CPED1: variants seen among roughly 807,000 people sequenced by gnomAD.
The protein encoded by CPED1 is cadherin-like and PC-esterase domain-containing protein 1.
Under a neutral mutation model 128.2 loss-of-function variants are expected in CPED1, and 114 were observed. That is an observed-to-expected ratio of 0.89 (90% CI 0.76 to 1.04). The LOEUF is 1.04. Among genes scored for constraint, CPED1 ranks in the 50% least tolerant of loss-of-function variants. The pLI, the probability that CPED1 is intolerant of heterozygous loss-of-function variation, is 0.00. For missense variants in CPED1, 1,211 were observed against 1,207.1 expected (o/e 1.00, Z -0.05); for synonymous variants, 462 against 426.7 (o/e 1.08, Z -1.02).
intron 15 of CPED1, 51 bp downstream of exon 15, chr7:121,141,064 C>A: frequency 7.1e-7 from 1 of 1,405,154 alleles, no homozygotes. Flanking sequence ...GGGAAGTAGA[C>A]ATTTGATGCA....
At chr7:121,131,158 G>T (rs1795656464) in intron 12 of CPED1, among the ~76,000 whole-genome samples, 1 of 152,036 alleles carries the variant, frequency 6.6e-6, no homozygotes, top group Non-Finnish European at 1.5e-5. Flanking sequence ...ACTTCTTTCT[G>T]CTAAGGATAT....
At chr7:121,008,431 C>T (rs1118142) in intron 2 of CPED1, among the ~76,000 whole-genome samples, 75,647 of 151,942 alleles carry the variant, frequency 0.5, 19,446 homozygotes, top group South Asian at 0.65. Flanking sequence ...ATGGTACTGG[C>T]CTTCAAGGTC....
At chr7:121,020,828 C>A (rs761149826) in intron 3 of CPED1, among the ~76,000 whole-genome samples, 7 of 151,772 alleles carry the variant, frequency 4.6e-5, no homozygotes, top group African/African-American at 1.2e-4. Flanking sequence ...TTCCCACATG[C>A]TCAAATGAGA....
chr7:121,162,562 G>A (rs1049070718), intron 16 of CPED1, among the ~76,000 whole-genome samples: 1 of 152,120 alleles, frequency 6.6e-6, no homozygotes, highest in African/African-American at 2.4e-5. Context: ...AATTTATATT[G>A]TTAATTCAAA....
chr7:121,009,635 T>C (rs1207207164), intron 2 of CPED1, among the ~76,000 whole-genome samples: 1 of 146,498 alleles, frequency 6.8e-6, no homozygotes, highest in Non-Finnish European at 1.5e-5. Context: ...AAAGTTCACA[T>C]TAGGTGAAAA....
At chr7:121,215,194 T>G (rs1415383353) in intron 16 of CPED1, among the ~76,000 whole-genome samples, 4 of 152,030 alleles carry the variant, frequency 2.6e-5, no homozygotes, top group African/African-American at 9.7e-5. Flanking sequence ...TGAAGCCTAG[T>G]GTCCCAGCTC....
chr7:121,214,116 T>G (rs1797705020), intron 16 of CPED1, among the ~76,000 whole-genome samples: 1 of 152,056 alleles, frequency 6.6e-6, no homozygotes, highest in South Asian at 2.1e-4. Context: ...TTTCTGCTGA[T>G]GAAATGAAGT....
intron 2 of CPED1, among the ~76,000 whole-genome samples, chr7:121,004,739 G>A (rs1470765457): frequency 2.1e-5 from 3 of 145,754 alleles, no homozygotes; most frequent in African/African-American, 7.5e-5. Flanking sequence ...GACCCTAAGA[G>A]TAGACACTTG....
intron 4 of CPED1, among the ~76,000 whole-genome samples, chr7:121,049,837 T>A: frequency 6.6e-6 from 1 of 152,196 alleles, no homozygotes; most frequent in Non-Finnish European, 1.5e-5. Flanking sequence ...CTAGTAATAT[T>A]TGGCGATGTC....
At chr7:121,282,199 C>T (rs1186972668) in intron 22 of CPED1, among the ~76,000 whole-genome samples, 2 of 152,092 alleles carry the variant, frequency 1.3e-5, no homozygotes, top group African/African-American at 4.8e-5. Flanking sequence ...ATTAAGGTAA[C>T]CATGGTATAC....
At chr7:121,224,764 A>C (rs1383181585) in intron 16 of CPED1, among the ~76,000 whole-genome samples, 2 of 144,776 alleles carry the variant, frequency 1.4e-5, no homozygotes, top group East Asian at 4.0e-4. Flanking sequence ...CTATTTTATC[A>C]GAGACTAGGA....
chr7:121,146,504 T>G (rs1414445052), intron 16 of CPED1, among the ~76,000 whole-genome samples: 1 of 152,168 alleles, frequency 6.6e-6, no homozygotes, highest in African/African-American at 2.4e-5. Flanking sequence ...TCAAGCCTCC[T>G]AATTTCTCCT....
intron 16 of CPED1, among the ~76,000 whole-genome samples, chr7:121,181,519 A>T (rs1441902663): frequency 6.6e-6 from 1 of 152,104 alleles, no homozygotes; most frequent in Non-Finnish European, 1.5e-5. Flanking sequence ...TAAATACGTT[A>T]TTGATTTTTA....
At chr7:121,196,622 T>G (rs1797279230) in intron 16 of CPED1, among the ~76,000 whole-genome samples, 1 of 152,256 alleles carries the variant, frequency 6.6e-6, no homozygotes, top group East Asian at 1.9e-4. Context: ...TGGGGACATG[T>G]AAAATTTAGT....
chr7:121,263,044 G>A (rs1197862446), intron 18 of CPED1, among the ~76,000 whole-genome samples: 1 of 152,072 alleles, frequency 6.6e-6, no homozygotes, highest in Non-Finnish European at 1.5e-5. Flanking sequence ...AAATCCCAGA[G>A]CTATGTCTGC....
At chr7:121,136,978 A>G (rs1034488775) in intron 14 of CPED1, among the ~76,000 whole-genome samples, 2 of 151,994 alleles carry the variant, frequency 1.3e-5, no homozygotes, top group African/African-American at 2.4e-5. Flanking sequence ...TGAGTTCTAT[A>G]TAGCAAGATT....
chr7:121,126,781 G>T (rs963875587), intron 9 of CPED1, among the ~76,000 whole-genome samples: 6 of 151,784 alleles, frequency 4.0e-5, no homozygotes, highest in Non-Finnish European at 2.9e-5. Context: ...AAAATCTGTT[G>T]TTCAGAAAGA....
chr7:121,086,065 A>T (rs545913923), intron 5 of CPED1, among the ~76,000 whole-genome samples: 1 of 152,342 alleles, frequency 6.6e-6, no homozygotes, highest in East Asian at 1.9e-4. Context: ...GACATGGTTG[A>T]GTAGAAAGGT....
At chr7:121,168,886 A>G (rs1000633759) in intron 16 of CPED1, among the ~76,000 whole-genome samples, 1 of 152,212 alleles carries the variant, frequency 6.6e-6, no homozygotes, top group African/African-American at 2.4e-5. Flanking sequence ...ATAAAGGTAG[A>G]CACTTCAGTA....
Sources: gnomAD v4.1 joint callset for allele counts (sites outside exome capture counted in the v4.1 genomes callset) on GRCh38, gnomAD v4.1.1 for gene constraint, MANE v1.5 for transcripts, NCBI Gene and HGNC (gene_info 2026-07-23, HGNC 2026-07-21) for gene names.